Variants in EPAS1 observed in about 807,000 individuals in gnomAD.
The protein encoded by EPAS1 is endothelial PAS domain protein 1, also known as endothelial PAS domain-containing protein 1.
A neutral mutation model predicts 87.9 loss-of-function variants in EPAS1; 23 were observed. The ratio of observed to expected loss-of-function variants is 0.26; its 90% CI spans 0.19 to 0.37. The LOEUF is 0.37. Among genes scored for constraint, EPAS1 ranks in the 10% least tolerant of loss-of-function variants. The pLI is 1.00. For missense variants in EPAS1, 1,138 were observed against 1,120.7 expected, an observed-to-expected ratio of 1.02 and a Z score of -0.22; for synonymous variants, 508 against 444.3, an observed-to-expected ratio of 1.14 and a Z score of -1.80.
intron 4 of EPAS1, among the ~76,000 whole-genome samples, chr2:46,357,488 G>T (rs1684292702): frequency 6.6e-6 from 1 of 152,198 alleles, no homozygotes; most frequent in East Asian, 1.9e-4. Flanking sequence ...GCAGTTTAGG[G>T]CTCCCAGAAG....
At chr2:46,319,576 T>C (rs1262673419) in intron 1 of EPAS1, among the ~76,000 whole-genome samples, 1 of 152,220 alleles carries the variant, frequency 6.6e-6, no homozygotes, top group African/African-American at 2.4e-5. Context: ...GTCTCATCCT[T>C]GGAAATTGTA....
intron 9 of EPAS1, 49 bp downstream of exon 9, chr2:46,376,802 G>A (rs775326399): frequency 6.3e-7 from 1 of 1,597,078 alleles, no homozygotes; most frequent in Non-Finnish European, 8.6e-7. Context: ...GTTGGGGCTG[G>A]GAAGAGTTCT....
chr2:46,337,297 TGGA>T (rs1050857471), intron 1 of EPAS1, among the ~76,000 whole-genome samples: 2 of 152,090 alleles, frequency 1.3e-5, no homozygotes, highest in African/African-American at 2.4e-5. Context: ...AAATGGGACT[TGGA>T]GGAGAAGTCA....
At chr2:46,320,555 G>A (rs946875062) in intron 1 of EPAS1, among the ~76,000 whole-genome samples, 4 of 152,186 alleles carry the variant, frequency 2.6e-5, no homozygotes, top group African/African-American at 4.8e-5. Flanking sequence ...CTTCATTAAC[G>A]GAAAGGAGAA....
rs1682908150 is a variant in EPAS1 at position 46,297,709 on chromosome 2, G to C, written c.-203G>C. 1 of 604,668 alleles carries C rather than the reference G, an allele frequency of 1.7e-6. No individual in the cohort carries two copies. The highest frequency in any genetic ancestry group is 2.0e-5 in the African/African-American group (1 of 51,190). 37.5% of individuals were successfully genotyped at this position (604,668 alleles called of 1,614,324 possible). A position where few individuals can be genotyped will look rare whatever the true frequency, so the allele number is the denominator to read the frequency against. On this transcript the variant is annotated 5_prime_UTR_variant, in exon 1 of 16. Coordinates refer to ENST00000263734, the MANE Select transcript of EPAS1 (RefSeq NM_001430.5). ...CGCCTCCGCGCGCAGGTTCCTCCCA[G>C]TCACCTTTCTCCACCCCCGCCCCCG...
At chr2:46,311,143 C>T (rs574283178) in intron 1 of EPAS1, among the ~76,000 whole-genome samples, 1 of 152,350 alleles carries the variant, frequency 6.6e-6, no homozygotes, top group Admixed American at 6.5e-5. Flanking sequence ...TCCCAAAGTG[C>T]TGAGATTACA....
rs1684976528 is a variant in EPAS1 at position 46,384,778 on chromosome 2, T to G, written c.*118T>G. 2.2e-6 allele frequency: 3 copies of G among 1,381,022 alleles called. No individual in the cohort carries two copies. Among genetic ancestry groups the G allele is most frequent in the Admixed American group, 4.0e-5 (2 of 50,472 alleles). 85.5% of individuals were successfully genotyped at this position (1,381,022 alleles called of 1,614,324 possible). On this transcript the variant is annotated 3_prime_UTR_variant, in exon 16 of 16. Coordinates refer to ENST00000263734, the MANE Select transcript of EPAS1 (RefSeq NM_001430.5). ...CAGCACACTATTTACAAGATGGACT[T>G]ACCTGGCAGACTTGCCCAGGTCACC...
intron 1 of EPAS1, among the ~76,000 whole-genome samples, chr2:46,316,052 G>A (rs916256643): frequency 1.3e-5 from 2 of 152,062 alleles, no homozygotes; most frequent in Non-Finnish European, 2.9e-5. Context: ...TAACTCTTTG[G>A]TGAACATACT....
Position 46,384,942 on chromosome 2 carries a change from A to G in EPAS1, c.*282A>G. Reference sequence around the variant, plus strand: ...CCTTCAATGACTTCTAATTTATATTATCCATAGGTTTCTCTCCCTCCTTCT... The same window carrying G: ...CCTTCAATGACTTCTAATTTATATTGTCCATAGGTTTCTCTCCCTCCTTCT... On this transcript the variant is annotated 3_prime_UTR_variant, in exon 16 of 16. Coordinates refer to ENST00000263734, the MANE Select transcript of EPAS1 (RefSeq NM_001430.5). 2 of 462,660 alleles carry G rather than the reference A, an allele frequency of 4.3e-6. No homozygotes were observed. Among genetic ancestry groups the G allele is most frequent in the South Asian group, 4.3e-5 (2 of 46,718 alleles). The allele number at this position is 462,660 out of a possible 1,614,324, so 28.7% of individuals were successfully genotyped here.
chr2:46,375,909 G>A lies in EPAS1; in HGVS notation c.1034+72G>A. 7 of 1,606,194 alleles carry A rather than the reference G, an allele frequency of 4.4e-6. No homozygotes were observed. The highest frequency in any genetic ancestry group is 6.0e-6 in the Non-Finnish European group (7 of 1,174,412). On this transcript the variant is annotated intron_variant, in intron 8 of 15. Transcript: ENST00000263734. This position sits in a 1 kb window ranked among gnomAD's most constrained non-coding sequence, Gnocchi z 4.1. ...TGCCCAAGCTTCCCAGACTCAGGAT[G>A]ACAGGCCTAGGAGATGCCAGGCCTC...
intron 6 of EPAS1, among the ~76,000 whole-genome samples, chr2:46,365,475 A>G (rs1318334143): frequency 6.6e-6 from 1 of 152,222 alleles, no homozygotes; most frequent in Non-Finnish European, 1.5e-5. Context: ...AAAATGGTGA[A>G]AGTGAGGGAA....
chr2:46,313,765 T>G (rs1044334207), intron 1 of EPAS1, among the ~76,000 whole-genome samples: 1 of 152,164 alleles, frequency 6.6e-6, no homozygotes, highest in Non-Finnish European at 1.5e-5. Context: ...ATGTCATAAT[T>G]TATTTGCTTA....
At chr2:46,353,246 G>C (rs1427034274) in intron 2 of EPAS1, among the ~76,000 whole-genome samples, 1 of 152,186 alleles carries the variant, frequency 6.6e-6, no homozygotes, top group Non-Finnish European at 1.5e-5. Flanking sequence ...GTCACTCGTA[G>C]GATCTTTGAG....
rs139335727 is a variant in EPAS1, at chr2:46,324,778, A to G, written c.27-22095A>G. 1.2e-4 allele frequency among the ~76,000 whole-genome samples: 18 copies of G among 152,380 alleles called. No individual in the cohort carries two copies. The East Asian group carries it at 1.5e-3, about 13-fold the overall frequency. The stretch of plus-strand genomic sequence containing the variant: ...TTATAAAAGGCTTAACAGGAGAGAC[A>G]GAGTCCTCCATTTGGAGCTGTTTTG... On this transcript the variant is annotated intron_variant, in intron 1 of 15. Coordinates refer to ENST00000263734, the MANE Select transcript of EPAS1 (RefSeq NM_001430.5).
At position 46,378,210 on chromosome 2, in the gene EPAS1, G is replaced by A. The variant is rs543717550; in HGVS notation, c.1443+123G>A. 16 of 1,470,322 alleles carry A rather than the reference G, an allele frequency of 1.1e-5. No individual in the cohort carries two copies. In the African/African-American group the frequency reaches 1.1e-4, roughly 10 times the overall value. 91.1% of individuals were successfully genotyped at this position (1,470,322 alleles called of 1,614,324 possible). On this transcript the variant is annotated intron_variant, in intron 10 of 15. Transcript: ENST00000263734. ...TCAGGTTATCACAGAGCCCCCTAGA[G>A]TGGCCGTGACACTTACCTACCAGGT...
Position 46,380,516 on chromosome 2 carries a change from C to G in EPAS1, c.1844C>G (p.Ala615Gly). The change falls in exon 12 of 16, where the codon GCA becomes GGA. Residue 615 changes from alanine to glycine, a missense_variant. Coordinates refer to ENST00000263734, the MANE Select transcript of EPAS1 (RefSeq NM_001430.5). This position sits in a 1 kb window ranked among gnomAD's most constrained non-coding sequence, Gnocchi z 4.4. ...SSIFFDAGSK[A>G]SLPPCCGQAS... ...ATCTTCTTTGATGCCGGAAGCAAAGCATCCCTGCCACCGTGCTGTGGCCAG... is the reference window on the plus strand; with the variant it reads ...ATCTTCTTTGATGCCGGAAGCAAAGGATCCCTGCCACCGTGCTGTGGCCAG... 6 of 1,614,202 alleles carry G rather than the reference C, an allele frequency of 3.7e-6. No homozygotes were observed. The highest frequency in any genetic ancestry group is 5.1e-6 in the Non-Finnish European group (6 of 1,180,032).
intron 1 of EPAS1, among the ~76,000 whole-genome samples, chr2:46,299,411 A>T (rs1172637020): frequency 6.6e-6 from 1 of 152,166 alleles, no homozygotes; most frequent in African/African-American, 2.4e-5. Context: ...TGCAGCCGGC[A>T]CATTCCCAGG....
At chr2:46,318,484 A>G (rs903015360) in intron 1 of EPAS1, among the ~76,000 whole-genome samples, 4 of 152,260 alleles carry the variant, frequency 2.6e-5, no homozygotes, top group South Asian at 2.1e-4. Context: ...AAAAAGTGCA[A>G]TATCTGCAAA....
chr2:46,326,050 C>T (rs1459539696), intron 1 of EPAS1, among the ~76,000 whole-genome samples: 1 of 152,176 alleles, frequency 6.6e-6, no homozygotes, highest in Non-Finnish European at 1.5e-5. Context: ...AAAACAGTGA[C>T]ATTCAATATG....
Sources: allele counts gnomAD v4.1 joint callset (sites outside exome capture counted in the v4.1 genomes callset), GRCh38; gene constraint gnomAD v4.1.1; non-coding constraint Gnocchi (gnomAD v3.1); transcripts MANE v1.5; gene names NCBI Gene and HGNC (gene_info 2026-07-23, HGNC 2026-07-21).